Variants in CDK5RAP2 observed in about 807,000 individuals in gnomAD.
The protein encoded by CDK5RAP2 is CDK5 regulatory subunit-associated protein 2.
CDK5RAP2 carries 147 observed loss-of-function variants against 232.9 expected under a neutral mutation model. The observed-to-expected ratio is 0.63, with a 90% confidence interval of 0.55 to 0.72. The LOEUF is 0.72. CDK5RAP2 is among the 30% of genes least tolerant of loss of function. The probability of loss-of-function intolerance (pLI) is 0.00; values close to 1 mark genes in which losing one functional copy is unlikely to be tolerated. For synonymous variants in CDK5RAP2, 833 were observed against 833.7 expected, an observed-to-expected ratio of 1.00 and a Z score of 0.01; for missense variants, 2,195 against 2,231.5, an observed-to-expected ratio of 0.98 and a Z score of 0.33.
intron 22 of CDK5RAP2, among the ~76,000 whole-genome samples, chr9:120,445,182 T>C (rs1234914355): frequency 6.6e-6 from 1 of 152,224 alleles, no homozygotes; most frequent in East Asian, 1.9e-4. Flanking sequence ...GCCTTCAAAG[T>C]TGTGGTCATT....
At chr9:120,409,088 G>A (rs1459198465) in intron 30 of CDK5RAP2, 39 bp downstream of exon 30, 6 of 1,590,238 alleles carry the variant, frequency 3.8e-6, no homozygotes, top group African/African-American at 1.3e-5. Context: ...CTGCATGCGT[G>A]GTACGGCCAG....
chr9:120,455,186 C>G (rs1234658418), intron 20 of CDK5RAP2, among the ~76,000 whole-genome samples: 1 of 152,056 alleles, frequency 6.6e-6, no homozygotes, highest in Admixed American at 6.5e-5. Context: ...CCAGAGTGCC[C>G]CAGACTGGGG....
At chr9:120,557,065 G>T (rs1451380502) in intron 3 of CDK5RAP2, among the ~76,000 whole-genome samples, 2 of 152,196 alleles carry the variant, frequency 1.3e-5, no homozygotes, top group African/African-American at 4.8e-5. Context: ...AACAACACTT[G>T]AAAGAATATT....
chr9:120,475,354 T>G (rs1235804004), intron 15 of CDK5RAP2, among the ~76,000 whole-genome samples: 2 of 152,314 alleles, frequency 1.3e-5, no homozygotes, highest in East Asian at 3.9e-4. Flanking sequence ...GAGTTAGCCC[T>G]GACCCGCCTC....
chr9:120,531,099 G>A (rs1036355944), intron 7 of CDK5RAP2, among the ~76,000 whole-genome samples: 1 of 151,940 alleles, frequency 6.6e-6, no homozygotes, highest in African/African-American at 2.4e-5. Context: ...CAGATCAGAG[G>A]GCCCTGCCGA....
At chr9:120,412,062 C>A (rs1459383919) in intron 28 of CDK5RAP2, among the ~76,000 whole-genome samples, 1 of 152,214 alleles carries the variant, frequency 6.6e-6, no homozygotes, top group Non-Finnish European at 1.5e-5. Flanking sequence ...TATCACTTTA[C>A]TCTCTAACCT....
Position 120,535,418 on chromosome 9 carries a change from AAAC to A in CDK5RAP2, c.662+951_662+953del, listed in dbSNP as rs1204367139. Among the ~76,000 whole-genome samples the A allele has an allele frequency of 5.9e-5, 9 of 152,378 alleles. No individual in the cohort carries two copies. In the East Asian group the frequency reaches 1.7e-3, roughly 29 times the overall value. On this transcript the variant is annotated intron_variant, in intron 7 of 37. Transcript: ENST00000349780. ...AACCCGGCAGTTAGGCCAAGCACCT[AAAC>A]AACACAGTAGTGCTAGTCAGTGCAG...
At chr9:120,451,582 C>T (rs977411379) in intron 21 of CDK5RAP2, among the ~76,000 whole-genome samples, 24 of 152,010 alleles carry the variant, frequency 1.6e-4, no homozygotes, top group African/African-American at 5.6e-4. Flanking sequence ...CCAAAGACCA[C>T]AAAAAATATC....
intron 3 of CDK5RAP2, among the ~76,000 whole-genome samples, chr9:120,558,979 T>G (rs1186347627): frequency 6.6e-6 from 1 of 152,208 alleles, no homozygotes; most frequent in Non-Finnish European, 1.5e-5. Flanking sequence ...ACAGTAGACG[T>G]TCAACAAATT....
intron 36 of CDK5RAP2, 25 bp downstream of exon 36, chr9:120,394,487 A>G: frequency 6.2e-7 from 1 of 1,613,992 alleles, no homozygotes; most frequent in Non-Finnish European, 8.5e-7. Context: ...GGTCAGGCAT[A>G]GCGGCCACCC....
chr9:120,392,876 C>T (rs555519483), intron 36 of CDK5RAP2, among the ~76,000 whole-genome samples: 12 of 152,332 alleles, frequency 7.9e-5, no homozygotes, highest in Non-Finnish European at 1.3e-4. Context: ...GAGGTCTTCC[C>T]GGCCTCCTGG....
At chr9:120,401,610 CAAAAAAAAAAAA>C (rs142588120) in intron 34 of CDK5RAP2, among the ~76,000 whole-genome samples, 2 of 61,532 alleles carry the variant, frequency 3.3e-5, no homozygotes, top group African/African-American at 1.2e-4. Flanking sequence ...GACCCTGTCT[CAAAAAAAAAAAA>C]AAAAAAAAAA....
Position 120,536,434 on chromosome 9 carries a change from T to C in CDK5RAP2, c.600A>G (p.Ser200=). The C allele has an allele frequency of 6.2e-7, 1 of 1,614,224 alleles. No individual in the cohort carries two copies. The part of the protein sequence containing the change: ...ALRLRLESKL[S]EMKKMHEGDL... ...CCCCCTCGTGCATCTTCTTCATCTC[T>C]GAAAGCTTGCTTTCCAAACGCAACC... is the stretch of plus-strand genomic sequence containing the variant. Residue 200 remains serine, a synonymous_variant, in exon 7 of 38, where the codon TCA becomes TCG. Transcript: ENST00000349780.
rs114445701 is a variant in CDK5RAP2 at position 120,427,061 on chromosome 9, A to C, written c.3956-4320T>G. 6.3e-3 allele frequency among the ~76,000 whole-genome samples: 965 copies of C among 152,214 alleles called. 13 individuals carry two copies. Among genetic ancestry groups the C allele is most frequent in the African/African-American group, 0.022 (918 of 41,516 alleles). On this transcript the variant is annotated intron_variant, in intron 25 of 37. Transcript: ENST00000349780. ...ACCTAGCTGTAGGATTTACAATTTT[A>C]ATTTTGGTTGATGTATCTTCCTGAG...
At chr9:120,514,286 A>C (rs897767062) in intron 12 of CDK5RAP2, among the ~76,000 whole-genome samples, 1 of 152,128 alleles carries the variant, frequency 6.6e-6, no homozygotes, top group African/African-American at 2.4e-5. Context: ...CAGTGCCCTG[A>C]AACAAAATAC....
At chr9:120,437,721 C>A (rs1403348003) in intron 24 of CDK5RAP2, among the ~76,000 whole-genome samples, 194 bp from the exon 25 acceptor site, 1 of 152,152 alleles carries the variant, frequency 6.6e-6, no homozygotes, top group Admixed American at 6.5e-5. Context: ...AAGGCTGGAA[C>A]AAAGATTCTT....
chr9:120,411,194 A>G (rs1483589936), intron 29 of CDK5RAP2, among the ~76,000 whole-genome samples, 164 bp downstream of exon 29: 4 of 152,186 alleles, frequency 2.6e-5, no homozygotes, highest in African/African-American at 9.7e-5. Context: ...CTCAGCTATA[A>G]AACAGAAACA....
At chr9:120,556,608 T>C (rs566497425) in intron 3 of CDK5RAP2, among the ~76,000 whole-genome samples, 48 of 152,074 alleles carry the variant, frequency 3.2e-4, no homozygotes, top group African/African-American at 1.1e-3. Context: ...TTTTTATTTT[T>C]AGTAGAGATG....
intron 12 of CDK5RAP2, among the ~76,000 whole-genome samples, chr9:120,506,436 C>T (rs574909744): frequency 2.6e-5 from 4 of 152,296 alleles, no homozygotes; most frequent in South Asian, 2.1e-4. Flanking sequence ...ACATCCATTC[C>T]GCAACCCACA....
Sources: allele counts gnomAD v4.1 joint callset (sites outside exome capture counted in the v4.1 genomes callset), GRCh38; gene constraint gnomAD v4.1.1; transcripts MANE v1.5; gene names NCBI Gene and HGNC (gene_info 2026-07-23, HGNC 2026-07-21).